ATXN7L1: variants seen among roughly 807,000 people sequenced by gnomAD.
ATXN7L1 encodes ataxin 7 like 1.
ATXN7L1 carries 15 observed loss-of-function variants against 70.8 expected under a neutral mutation model. The ratio of observed to expected loss-of-function variants is 0.21; its 90% CI spans 0.14 to 0.33. The LOEUF (loss-of-function observed/expected upper bound fraction) is 0.33, where lower values mean the gene tolerates loss of function less well. Ranked by LOEUF, ATXN7L1 falls within the 10% of genes least tolerant of loss-of-function variation. The pLI is 1.00. For synonymous variants in ATXN7L1, 440 were observed against 445.1 expected (o/e 0.99, Z 0.14); for missense variants, 975 against 1,097.1 (o/e 0.89, Z 1.57).
At chr7:105,733,637 T>C (rs368941231) in intron 3 of ATXN7L1, among the ~76,000 whole-genome samples, 11,053 of 80,390 alleles carry the variant, frequency 0.14, 639 homozygotes, top group South Asian at 0.19. Flanking sequence ...CATCCACCCA[T>C]CCATCCATCC....
chr7:105,683,824 T>C (rs889385669), intron 3 of ATXN7L1, among the ~76,000 whole-genome samples: 2 of 152,158 alleles, frequency 1.3e-5, no homozygotes, highest in Admixed American at 6.6e-5. Context: ...CTCTTCCTCT[T>C]GCCAACCTGA....
intron 2 of ATXN7L1, among the ~76,000 whole-genome samples, chr7:105,824,702 TAAACA>T (rs1227263102): frequency 1.3e-5 from 2 of 151,250 alleles, no homozygotes; most frequent in Admixed American, 6.6e-5. Flanking sequence ...AGGAAGAAAT[TAAACA>T]AAACAAAACA....
intron 9 of ATXN7L1, among the ~76,000 whole-genome samples, chr7:105,617,225 C>A (rs548398394): frequency 5.9e-5 from 9 of 152,276 alleles, no homozygotes; most frequent in South Asian, 2.1e-4. Context: ...GGGGTTTCAC[C>A]GTGTTAGCCA....
At chr7:105,751,047 A>G (rs1442642674) in intron 3 of ATXN7L1, among the ~76,000 whole-genome samples, 1 of 152,118 alleles carries the variant, frequency 6.6e-6, no homozygotes, top group African/African-American at 2.4e-5. Context: ...TGATGAATGT[A>G]TCTTGACTTA....
At chr7:105,714,338 C>T (rs1482530185) in intron 3 of ATXN7L1, among the ~76,000 whole-genome samples, 1 of 152,250 alleles carries the variant, frequency 6.6e-6, no homozygotes, top group African/African-American at 2.4e-5. Flanking sequence ...GCCCCACCCT[C>T]CTGACCAGCT....
chr7:105,608,004 A>C, intron 11 of ATXN7L1, 114 bp from the exon 12 acceptor site: 1 of 949,264 alleles, frequency 1.1e-6, no homozygotes. Context: ...ACAATATCCC[A>C]CCTCCCATAT....
chr7:105,607,528 G>C lies in ATXN7L1; in HGVS notation c.*324C>G. 2.8e-6 allele frequency: 1 copy of C among 351,788 alleles called. No individual in the cohort carries two copies. Among genetic ancestry groups the C allele is most frequent in the East Asian group, 5.1e-5 (1 of 19,544 alleles). The allele number at this position is 351,788 out of a possible 1,614,324, so 21.8% of individuals were successfully genotyped here. A position where few individuals can be genotyped will look rare whatever the true frequency, so the allele number is the denominator to read the frequency against. On this transcript the variant is annotated 3_prime_UTR_variant, in exon 12 of 12. Coordinates refer to ENST00000419735, the MANE Select transcript of ATXN7L1 (RefSeq NM_020725.2). ...TCTGCAATGTCTGCTCTCATGGCTG[G>C]AGCAAAAGGATGGTACAGTAGCAGC...
intron 3 of ATXN7L1, among the ~76,000 whole-genome samples, chr7:105,676,166 T>A (rs1804618660): frequency 6.6e-6 from 1 of 152,124 alleles, no homozygotes; most frequent in Non-Finnish European, 1.5e-5. Context: ...AGAACCACGA[T>A]CCTCTTCATA....
At chr7:105,722,560 TAAAAAAAAAAAAAAAAAAAAA>T (rs56228890) in intron 3 of ATXN7L1, among the ~76,000 whole-genome samples, 10 of 20,844 alleles carry the variant, frequency 4.8e-4, no homozygotes, top group East Asian at 3.6e-3. Context: ...GACTCTGCCT[TAAAAAAAAAAAAAAAAAAAAA>T]AAAAAAAAAA....
chr7:105,734,636 G>GTTTT (rs59456850), intron 3 of ATXN7L1, among the ~76,000 whole-genome samples: 21 of 142,022 alleles, frequency 1.5e-4, no homozygotes, highest in African/African-American at 5.2e-4. Context: ...CTCCTTTCAT[G>GTTTT]TTTTTTTTTT....
intron 4 of ATXN7L1, among the ~76,000 whole-genome samples, chr7:105,659,101 T>C (rs1376337900): frequency 2.0e-5 from 3 of 152,160 alleles, no homozygotes; most frequent in Non-Finnish European, 4.4e-5. Flanking sequence ...CACGCCACTG[T>C]ACTCCAATCT....
Position 105,783,984 on chromosome 7 carries a change from C to CAGGG in ATXN7L1, c.355+4616_355+4619dup, listed in dbSNP as rs199971133. On this transcript the variant is annotated intron_variant, in intron 3 of 11. Transcript: ENST00000419735. ...TTTTTTGGTTCATGTTTTTTTGAGA[C>CAGGG]AGGGTCTCACTCTGTTACCCAGGGT... Among the ~76,000 whole-genome samples, 51 of 152,200 alleles carry CAGGG rather than the reference C, an allele frequency of 3.4e-4. No homozygotes were observed. The East Asian group carries it at 9.7e-3, about 29-fold the overall frequency.
At chr7:105,644,374 G>A (rs762836459) in intron 4 of ATXN7L1, among the ~76,000 whole-genome samples, 8 of 152,166 alleles carry the variant, frequency 5.3e-5, no homozygotes, top group Non-Finnish European at 8.8e-5. Context: ...ACAGAGCAGC[G>A]GAACAGATTG....
chr7:105,741,830 C>G (rs1798052384), intron 3 of ATXN7L1, among the ~76,000 whole-genome samples: 1 of 152,140 alleles, frequency 6.6e-6, no homozygotes, highest in South Asian at 2.1e-4. Context: ...AGCGAGAGCA[C>G]CTGGTGAAGA....
chr7:105,615,516 G>T (rs1030902784), intron 9 of ATXN7L1, among the ~76,000 whole-genome samples: 1 of 152,200 alleles, frequency 6.6e-6, no homozygotes, highest in Non-Finnish European at 1.5e-5. Context: ...TTTGGGAATG[G>T]TGAGATGGCA....
At chr7:105,732,814 C>T (rs191175094) in intron 3 of ATXN7L1, among the ~76,000 whole-genome samples, 15 of 152,328 alleles carry the variant, frequency 9.8e-5, no homozygotes, top group Admixed American at 7.8e-4. Flanking sequence ...CCTCCAGTCA[C>T]GCTGGGCTCA....
intron 3 of ATXN7L1, among the ~76,000 whole-genome samples, chr7:105,699,164 G>A (rs1426841885): frequency 6.6e-6 from 1 of 151,200 alleles, no homozygotes; most frequent in Non-Finnish European, 1.5e-5. Flanking sequence ...GTGGAACCTT[G>A]CTCTGTCACC....
chr7:105,825,659 T>C (rs559615230), intron 2 of ATXN7L1, among the ~76,000 whole-genome samples: 1 of 151,566 alleles, frequency 6.6e-6, no homozygotes, highest in South Asian at 2.1e-4. Flanking sequence ...CTTGGCTCTG[T>C]AAGTGAACAG....
In ATXN7L1 at chr7:105,759,156, T is replaced by A. The variant is rs1303070598; in HGVS notation, c.355+29448A>T. ...TTTAGTGGCCTTTTTTTTAGTTTAT[T>A]CTTACTTTTTTTTTTTTTTTAATCC... On this transcript the variant is annotated intron_variant, in intron 3 of 11. Coordinates refer to ENST00000419735, the MANE Select transcript of ATXN7L1 (RefSeq NM_020725.2). Among the ~76,000 whole-genome samples the A allele has an allele frequency of 8.6e-5, 9 of 104,140 alleles. No homozygotes were observed. The East Asian group carries it at 3.0e-3, about 35-fold the overall frequency. The allele number at this position is 104,140 out of a possible 152,430, so 68.3% of individuals were successfully genotyped here.
Sources: gnomAD v4.1 joint callset for allele counts (sites outside exome capture counted in the v4.1 genomes callset) on GRCh38, gnomAD v4.1.1 for gene constraint, MANE v1.5 for transcripts, NCBI Gene and HGNC (gene_info 2026-07-23, HGNC 2026-07-21) for gene names.